Variants in ASAH1 observed in about 807,000 individuals in gnomAD.
The protein encoded by ASAH1 is acid ceramidase.
Under a neutral mutation model 59.5 loss-of-function variants are expected in ASAH1, and 70 were observed. That is an observed-to-expected ratio of 1.18 (90% CI 0.97 to 1.43). ASAH1 has a LOEUF of 1.43. ASAH1 is among the 40% of genes most tolerant of loss of function. ASAH1 has a pLI of 0.00. For synonymous variants in ASAH1, 213 were observed against 166.5 expected, an observed-to-expected ratio of 1.28 and a Z score of -2.15; for missense variants, 660 against 482.5, an observed-to-expected ratio of 1.37 and a Z score of -3.45.
intron 13 of ASAH1, 132 bp downstream of exon 13, chr8:18,058,703 T>A (rs904071980): frequency 9.9e-6 from 8 of 809,020 alleles, no homozygotes; most frequent in Non-Finnish European, 1.6e-5. Flanking sequence ...CAAAAACATT[T>A]TTTAATAAAA....
Position 18,062,444 on chromosome 8 carries a change from T to A in ASAH1, c.504-21A>T, listed in dbSNP as rs757579385. 5.9e-5 allele frequency: 95 copies of A among 1,613,358 alleles called. No homozygotes were observed. In the South Asian group the frequency reaches 8.7e-4, roughly 15 times the overall value. On this transcript the variant is annotated intron_variant, in intron 7 of 13. Transcript: ENST00000637790. Reference sequence around the variant, plus strand: ...TCCACCTATAAAAGACATGTTTCAGTGACATTTCAGAAACACAGTGATAGT... The same window carrying A: ...TCCACCTATAAAAGACATGTTTCAGAGACATTTCAGAAACACAGTGATAGT...
At position 18,067,161 on chromosome 8, in the gene ASAH1, T is replaced by C. The variant is rs34367186; in HGVS notation, c.382+59A>G. ...GTGCTGTATGTATATCACACCTCAA[T>C]GGAAACTTGTAAAAGAATTTAATTA... On this transcript the variant is annotated intron_variant, in intron 5 of 13. Coordinates refer to ENST00000637790, the MANE Select transcript of ASAH1 (RefSeq NM_177924.5). 0.053 allele frequency: 53,881 copies of C among 1,015,240 alleles called. 1,364 individuals carry two copies. Among genetic ancestry groups the C allele is most frequent in the South Asian group, 0.1 (7,251 of 71,066 alleles). The allele number at this position is 1,015,240 out of a possible 1,614,324, so 62.9% of individuals were successfully genotyped here. A position where few individuals can be genotyped will look rare whatever the true frequency, so the allele number is the denominator to read the frequency against.
chr8:18,057,222 C>T lies in ASAH1; in HGVS notation c.*312G>A, dbSNP rs999319981. The T allele has an allele frequency of 3.8e-5, 12 of 316,804 alleles. No individual in the cohort carries two copies. Among genetic ancestry groups the T allele is most frequent in the African/African-American group, 1.5e-4 (7 of 46,286 alleles). 19.6% of individuals were successfully genotyped at this position (316,804 alleles called of 1,614,324 possible). A position where few individuals can be genotyped will look rare whatever the true frequency, so the allele number is the denominator to read the frequency against. ...CCACGCTGAATCTCCATTTATTCCA[C>T]GGAGGTGGAGTTCACCATGGTTCGA... On this transcript the variant is annotated 3_prime_UTR_variant, in exon 14 of 14. Transcript: ENST00000637790.
chr8:18,071,267 A>C (rs766631165), intron 3 of ASAH1, 33 bp downstream of exon 3: 1 of 1,098,288 alleles, frequency 9.1e-7, no homozygotes, highest in Non-Finnish European at 1.2e-6. Context: ...AAATAAAAAT[A>C]AAGAAATAAA....
chr8:18,071,020 C>T (rs1044544907), intron 3 of ASAH1, among the ~76,000 whole-genome samples: 13 of 151,970 alleles, frequency 8.6e-5, no homozygotes, highest in Non-Finnish European at 1.8e-4. Context: ...TCAGCTTGGA[C>T]AACATGGCAA....
intron 2 of ASAH1, among the ~76,000 whole-genome samples, 190 bp from the exon 3 acceptor site, chr8:18,071,580 G>A (rs888251759): frequency 1.3e-4 from 19 of 151,854 alleles, no homozygotes; most frequent in Admixed American, 8.5e-4. Context: ...AATCATAAGC[G>A]GTCACAGAAA....
At chr8:18,084,204 G>A, upstream of ASAH1, 1 of 1,520,334 alleles carries the variant, frequency 6.6e-7, no homozygotes, top group Non-Finnish European at 8.8e-7. Flanking sequence ...GCTCGGAGGA[G>A]GCGGGACTGG....
At chr8:18,067,350 T>C (rs1564543300) in intron 4 of ASAH1, 52 bp from the exon 5 acceptor site, 1 of 1,086,092 alleles carries the variant, frequency 9.2e-7, no homozygotes, top group African/African-American at 1.6e-5. Flanking sequence ...CAATAAAAAA[T>C]ATATAATATA....
Position 18,062,396 on chromosome 8 carries a change from G to C in ASAH1, c.531C>G (p.Val177=). 1.9e-6 allele frequency: 3 copies of C among 1,614,052 alleles called. No homozygotes were observed. The highest frequency in any genetic ancestry group is 2.5e-6 in the Non-Finnish European group (3 of 1,179,984). Residue 177 remains valine (V), a synonymous_variant, in exon 8 of 14, where the codon GTC becomes GTG. Transcript: ENST00000637790. ...TTAAAGGTTTTAGTTGCTCAGTTAT[G>C]ACCCAGGTATCATTATTTATGTTCC... ...LGWNINNDTW[V]ITEQLKPLTV... is the part of the protein sequence containing the mutation.
At chr8:18,067,091 T>G in intron 5 of ASAH1, 129 bp downstream of exon 5, 1 of 127,030 alleles carries the variant, frequency 7.9e-6, no homozygotes, top group Non-Finnish European at 2.6e-5. Flanking sequence ...GCTGTATATC[T>G]AAGACCTGTG....
chr8:18,066,253 G>A (rs1799923266), intron 5 of ASAH1: 1 of 151,806 alleles, frequency 6.6e-6, no homozygotes, highest in East Asian at 1.9e-4. Flanking sequence ...TTCATCAAAA[G>A]ACAAAAGTAA....
intron 7 of ASAH1, chr8:18,062,868 C>CTT (rs10562212): frequency 8.7e-4 from 158 of 181,588 alleles, no homozygotes; most frequent in East Asian, 3.3e-3. Flanking sequence ...GTTCTGTGTT[C>CTT]TTTTTTTTTT....
In ASAH1 at chr8:18,057,200, C is replaced by T. The variant is rs115127411; in HGVS notation, c.*334G>A. ...ACAGACGTGCTGGATTCAACACCCA[C>T]GCTGAATCTCCATTTATTCCACGGA... is the stretch of plus-strand genomic sequence containing the variant. On this transcript the variant is annotated 3_prime_UTR_variant, in exon 14 of 14. Coordinates refer to ENST00000637790, the MANE Select transcript of ASAH1 (RefSeq NM_177924.5). 0.022 allele frequency: 6,811 copies of T among 303,576 alleles called. 108 individuals are homozygous for T. The highest frequency in any genetic ancestry group is 0.047 in the African/African-American group (2,188 of 46,222). 18.8% of individuals were successfully genotyped at this position (303,576 alleles called of 1,614,324 possible).
chr8:18,083,956 T>G (rs1379267634), intron 1 of ASAH1, 25 bp downstream of exon 1: 1 of 1,593,798 alleles, frequency 6.3e-7, no homozygotes, highest in East Asian at 2.2e-5. Context: ...CGCCCCTCTC[T>G]GCGCCTCGGC....
chr8:18,062,194 C>A, intron 8 of ASAH1, 85 bp downstream of exon 8: 1 of 1,573,648 alleles, frequency 6.4e-7, no homozygotes, highest in Non-Finnish European at 8.7e-7. Flanking sequence ...CCCTTTAGGT[C>A]CTCATATTCT....
intron 1 of ASAH1, chr8:18,075,949 C>T (rs10105871): frequency 0.57 from 191,552 of 336,136 alleles, 55,965 homozygotes; most frequent in Non-Finnish European, 0.61. Context: ...TCTGCACTTA[C>T]CAGCCATGTG....
At chr8:18,069,758 C>A (rs537774574) in intron 4 of ASAH1, 34 bp downstream of exon 4, 2 of 1,448,854 alleles carry the variant, frequency 1.4e-6, no homozygotes, top group Non-Finnish European at 1.9e-6. Context: ...TTTCTATGTG[C>A]TTAACATTTA....
rs1588980220 is a variant in ASAH1, at chr8:18,063,197, C to A, written c.491G>T (p.Gly164Val). The change falls in exon 7 of 14, where the codon GGA (glycine) becomes GTA (valine). Residue 164 changes from glycine to valine, a missense_variant. By Grantham distance (109) the Gly-to-Val change is moderately radical. Coordinates refer to ENST00000637790, the MANE Select transcript of ASAH1 (RefSeq NM_177924.5). ...HLIHGRNMDF[G>V]VFLGWNINND... ...GTTCTTTACTTACCCAAGAAATACT[C>A]CAAAATCCATGTTTCTCCCATGTAT... 5.0e-6 allele frequency: 8 copies of A among 1,613,896 alleles called. No individual in the cohort carries two copies. The highest frequency in any genetic ancestry group is 1.3e-5 in the African/African-American group (1 of 75,020).
Position 18,069,813 on chromosome 8 carries a change from C to A in ASAH1, c.282G>T (p.Met94Ile), listed in dbSNP as rs767105801. The A allele has an allele frequency of 1.3e-6, 2 of 1,586,160 alleles. No individual in the cohort carries two copies. Among genetic ancestry groups the A allele is most frequent in the South Asian group, 1.1e-5 (1 of 90,430 alleles). Residue 94 changes from methionine to isoleucine, a missense_variant, in exon 4 of 14, where the codon ATG becomes ATT. Coordinates refer to ENST00000637790, the MANE Select transcript of ASAH1 (RefSeq NM_177924.5). ...TTACCAATTTTTCATCCACCACCTG[C>A]ATAATTTTTCCACTTGGCACGAATG... The part of the protein sequence containing the change: ...INTFVPSGKI[M>I]QVVDEKLPGL...
Sources: allele counts gnomAD v4.1 joint callset (sites outside exome capture counted in the v4.1 genomes callset), GRCh38; gene constraint gnomAD v4.1.1; transcripts MANE v1.5; gene names NCBI Gene and HGNC (gene_info 2026-07-23, HGNC 2026-07-21).